The following HDAC9 variants were observed in gnomAD, a reference collection of about 807,000 sequenced individuals.
HDAC9 encodes the protein MEF-2 interacting transcription repressor (MITR) protein.
A neutral mutation model predicts 139.4 loss-of-function variants in HDAC9; 41 were observed. The observed-to-expected ratio is 0.29, with a 90% CI of 0.23 to 0.38. The LOEUF is 0.38. HDAC9 is among the 10% of genes least tolerant of loss of function. HDAC9 has a pLI of 1.00. For synonymous variants in HDAC9, 517 were observed against 476.2 expected, an observed-to-expected ratio of 1.09 and a Z score of -1.12; for missense variants, 1,147 against 1,297.0, an observed-to-expected ratio of 0.88 and a Z score of 1.78.
chr7:18,096,239 A>T (rs974161023), intron 1 of HDAC9, among the ~76,000 whole-genome samples: 2 of 152,228 alleles, frequency 1.3e-5, no homozygotes, highest in African/African-American at 4.8e-5. Flanking sequence ...TAACCTCTAT[A>T]GTACAGGTAC....
chr7:18,725,248 G>A (rs1366574775), intron 12 of HDAC9, among the ~76,000 whole-genome samples: 1 of 152,076 alleles, frequency 6.6e-6, no homozygotes, highest in African/African-American at 2.4e-5. Flanking sequence ...GCCAATGTAG[G>A]CTTAAAATGT....
chr7:18,816,037 A>T (rs1334379583), intron 17 of HDAC9, among the ~76,000 whole-genome samples: 1 of 152,250 alleles, frequency 6.6e-6, no homozygotes, highest in African/African-American at 2.4e-5. Context: ...AATATTATGC[A>T]TATGGTAAAC....
At chr7:18,454,237 G>T (rs1224438491) in intron 1 of HDAC9, among the ~76,000 whole-genome samples, 1 of 151,970 alleles carries the variant, frequency 6.6e-6, no homozygotes, top group African/African-American at 2.4e-5. Context: ...TCAAAAAATT[G>T]AAGTTCTTCT....
intron 1 of HDAC9, among the ~76,000 whole-genome samples, chr7:18,467,742 T>C (rs536089118): frequency 6.6e-6 from 1 of 152,338 alleles, no homozygotes; most frequent in African/African-American, 2.4e-5. Flanking sequence ...AGAACCCACG[T>C]TGGCACATTA....
upstream of HDAC9, among the ~76,000 whole-genome samples, chr7:18,288,168 A>T (rs958029700): frequency 1.3e-5 from 2 of 152,218 alleles, no homozygotes; most frequent in Admixed American, 1.3e-4. Context: ...AACACAGTGC[A>T]GCTCCATCAG....
chr7:18,226,525 TA>T (rs760112780), intron 2 of HDAC9, among the ~76,000 whole-genome samples: 1 of 151,808 alleles, frequency 6.6e-6, no homozygotes, highest in Non-Finnish European at 1.5e-5. Flanking sequence ...GCTCCTTCCA[TA>T]AAAAAAACTA....
At chr7:18,789,186 GT>G (rs1459536209) in intron 16 of HDAC9, among the ~76,000 whole-genome samples, 1 of 151,886 alleles carries the variant, frequency 6.6e-6, no homozygotes, top group African/African-American at 2.4e-5. Flanking sequence ...GCAAAATCCT[GT>G]TTTGGTCATC....
Position 18,916,977 on chromosome 7 carries a change from G to T in HDAC9, c.2804-18832G>T, listed in dbSNP as rs572398734. 1.1e-4 allele frequency among the ~76,000 whole-genome samples: 17 copies of T among 152,080 alleles called. No homozygotes were observed. The South Asian group carries it at 2.9e-3, about 26-fold the overall frequency. Reference sequence around the variant, plus strand: ...AACCTAAGAGGCTTTCCTGAGTATTGCTGGGGAAGAGTCCACATTTTATTG... The same window carrying T: ...AACCTAAGAGGCTTTCCTGAGTATTTCTGGGGAAGAGTCCACATTTTATTG... On this transcript the variant is annotated intron_variant, in intron 22 of 25. Transcript: ENST00000686413.
intron 1 of HDAC9, among the ~76,000 whole-genome samples, chr7:18,106,160 A>C (rs1377985213): frequency 6.6e-6 from 1 of 152,222 alleles, no homozygotes; most frequent in Non-Finnish European, 1.5e-5. Flanking sequence ...ACCTCTGTGA[A>C]TATAATAAAA....
At chr7:18,894,305 G>C (rs1800970507) in intron 22 of HDAC9, among the ~76,000 whole-genome samples, 1 of 152,154 alleles carries the variant, frequency 6.6e-6, no homozygotes, top group Admixed American at 6.5e-5. Flanking sequence ...TGCAAAGACT[G>C]TTGCTTGGGA....
At chr7:18,771,114 C>T (rs1314928615) in intron 16 of HDAC9, among the ~76,000 whole-genome samples, 1 of 152,052 alleles carries the variant, frequency 6.6e-6, no homozygotes, top group African/African-American at 2.4e-5. Context: ...TGAGGATTTG[C>T]AGGGCACGGG....
chr7:18,974,276 T>G (rs1250825485), intron 24 of HDAC9, among the ~76,000 whole-genome samples: 1 of 152,274 alleles, frequency 6.6e-6, no homozygotes, highest in African/African-American at 2.4e-5. Context: ...CTCTAATTTC[T>G]AATGATCTTT....
chr7:18,562,684 G>A (rs759534296), intron 2 of HDAC9, among the ~76,000 whole-genome samples: 1 of 152,050 alleles, frequency 6.6e-6, no homozygotes, highest in Non-Finnish European at 1.5e-5. Flanking sequence ...ATTGGAAAGT[G>A]TGAGTCCTCT....
intron 12 of HDAC9, among the ~76,000 whole-genome samples, chr7:18,718,618 G>A (rs773639093): frequency 2.0e-5 from 3 of 151,956 alleles, no homozygotes; most frequent in South Asian, 2.1e-4. Context: ...TCCTTCTTAC[G>A]GCTAGATAAT....
intron 22 of HDAC9, among the ~76,000 whole-genome samples, chr7:18,878,279 CT>C (rs1401615948): frequency 6.6e-6 from 1 of 152,020 alleles, no homozygotes; most frequent in East Asian, 1.9e-4. Context: ...GCGTTCACTG[CT>C]TTTGTTGGTG....
intron 2 of HDAC9, among the ~76,000 whole-genome samples, chr7:18,169,266 A>G (rs1282790820): frequency 1.3e-5 from 2 of 151,980 alleles, no homozygotes; most frequent in Non-Finnish European, 2.9e-5. Flanking sequence ...AACAAAATAG[A>G]AGTACTTGTT....
rs1789756616 is a variant in HDAC9 at position 18,184,563 on chromosome 7, G to A, written c.25+22214G>A. 2.0e-5 allele frequency among the ~76,000 whole-genome samples: 3 copies of A among 152,226 alleles called. No homozygotes were observed. In the South Asian group the frequency reaches 6.2e-4, roughly 32 times the overall value. On this transcript the variant is annotated intron_variant, in intron 2 of 12. Coordinates refer to the HDAC9 transcript ENST00000417496. ...CACGAAACAAAATTTGTATACCTGA[G>A]GTAAGGTGAGGAATTTCCACGTGTG... is the stretch of plus-strand genomic sequence containing the variant.
chr7:18,188,712 C>T (rs1478439991), intron 2 of HDAC9, among the ~76,000 whole-genome samples: 1 of 152,160 alleles, frequency 6.6e-6, no homozygotes, highest in Non-Finnish European at 1.5e-5. Flanking sequence ...CAAAAGAAGA[C>T]GTTTACATAG....
intron 6 of HDAC9, among the ~76,000 whole-genome samples, chr7:18,606,762 A>G (rs1460350785): frequency 2.0e-5 from 3 of 152,222 alleles, no homozygotes; most frequent in Admixed American, 6.5e-5. Context: ...CATTTAGATT[A>G]TGAAAAGTTG....
Sources: allele counts gnomAD v4.1 joint callset (sites outside exome capture counted in the v4.1 genomes callset), GRCh38; gene constraint gnomAD v4.1.1; transcripts MANE v1.5; gene names NCBI Gene and HGNC (gene_info 2026-07-23, HGNC 2026-07-21).